Variants in PHLPP1 observed in about 807,000 individuals in gnomAD.
The protein encoded by PHLPP1 is PH domain and leucine rich repeat protein phosphatase 1.
Under a neutral mutation model 117.2 loss-of-function variants are expected in PHLPP1, and 42 were observed. The observed-to-expected ratio is 0.36, with a 90% CI of 0.28 to 0.46. The LOEUF (loss-of-function observed/expected upper bound fraction) is 0.46. Ranked by LOEUF, PHLPP1 falls within the 20% of genes least tolerant of loss-of-function variation. The probability of loss-of-function intolerance (pLI) is 1.00; values close to 1 mark genes in which losing one functional copy is unlikely to be tolerated. For synonymous variants in PHLPP1, 1,042 were observed against 970.7 expected, an observed-to-expected ratio of 1.07 and a Z score of -1.37; for missense variants, 2,084 against 2,241.9, an observed-to-expected ratio of 0.93 and a Z score of 1.42.
At chr18:62,722,429 G>A (rs192975804) in intron 1 of PHLPP1, among the ~76,000 whole-genome samples, 2 of 152,220 alleles carry the variant, frequency 1.3e-5, no homozygotes, top group African/African-American at 2.4e-5. Context: ...CTTTAAAGAC[G>A]CCTGACATTT....
intron 10 of PHLPP1, among the ~76,000 whole-genome samples, chr18:62,937,187 A>G (rs1426225231): frequency 6.6e-6 from 1 of 152,252 alleles, no homozygotes; most frequent in Non-Finnish European, 1.5e-5. Flanking sequence ...CAAAAAATAT[A>G]TAGATGAGTC....
At chr18:62,790,334 G>A (rs1475770431) in intron 1 of PHLPP1, among the ~76,000 whole-genome samples, 1 of 152,146 alleles carries the variant, frequency 6.6e-6, no homozygotes, top group African/African-American at 2.4e-5. Flanking sequence ...CCAGCAGTCT[G>A]GGACCTCAGT....
chr18:62,933,922 A>G (rs1909893420), intron 10 of PHLPP1, among the ~76,000 whole-genome samples: 1 of 152,182 alleles, frequency 6.6e-6, no homozygotes, highest in Non-Finnish European at 1.5e-5. Context: ...AGCAAAGGAC[A>G]TGAATAGACA....
chr18:62,769,807 A>G (rs1778006952), intron 1 of PHLPP1, among the ~76,000 whole-genome samples: 1 of 152,226 alleles, frequency 6.6e-6, no homozygotes, highest in African/African-American at 2.4e-5. Flanking sequence ...GTTATACGTG[A>G]ATCTAGAACA....
At chr18:62,951,059 G>A (rs1413262750) in intron 12 of PHLPP1, among the ~76,000 whole-genome samples, 2 of 150,200 alleles carry the variant, frequency 1.3e-5, no homozygotes, top group African/African-American at 2.5e-5. Context: ...TTTGTTCACC[G>A]CAAGTTCCGC....
intron 1 of PHLPP1, among the ~76,000 whole-genome samples, chr18:62,777,907 G>A (rs942321426): frequency 1.3e-5 from 2 of 152,072 alleles, no homozygotes; most frequent in African/African-American, 4.8e-5. Context: ...TAATGTCATA[G>A]GTTATTACTT....
chr18:62,890,415 G>A (rs577678595), intron 4 of PHLPP1, among the ~76,000 whole-genome samples: 2 of 151,930 alleles, frequency 1.3e-5, no homozygotes, highest in Admixed American at 6.6e-5. Flanking sequence ...ACAGGCACCC[G>A]CCACCACGCT....
intron 14 of PHLPP1, among the ~76,000 whole-genome samples, chr18:62,971,307 A>G (rs563437003): frequency 2.0e-5 from 3 of 150,650 alleles, no homozygotes; most frequent in Middle Eastern, 3.3e-3. Flanking sequence ...CCAACTCCCT[A>G]TAGTATAGTA....
chr18:62,973,785 T>A (rs549438498), intron 15 of PHLPP1, among the ~76,000 whole-genome samples: 120 of 152,308 alleles, frequency 7.9e-4, no homozygotes, highest in African/African-American at 2.6e-3. Flanking sequence ...GTACCAGTCA[T>A]TGTTCTAAAT....
At chr18:62,774,756 G>T (rs1051702537) in intron 1 of PHLPP1, among the ~76,000 whole-genome samples, 1 of 151,268 alleles carries the variant, frequency 6.6e-6, no homozygotes, top group Admixed American at 6.6e-5. Flanking sequence ...ATTCTTTCTG[G>T]CTATAAAAGT....
Position 62,822,280 on chromosome 18 carries a change from GT to G in PHLPP1, c.1577-7750del, listed in dbSNP as rs796719016. ...AGAAAATAGTGTTTTTTTTTTTTTT[GT>G]TTTTGTTTTTTTTTTTTTGAGACAG... On this transcript the variant is annotated intron_variant, in intron 1 of 16. Coordinates refer to ENST00000262719, the MANE Select transcript of PHLPP1 (RefSeq NM_194449.4). Among the ~76,000 whole-genome samples, 84 of 95,992 alleles carry G rather than the reference GT, an allele frequency of 8.8e-4. 1 individual carries two copies. The highest frequency in any genetic ancestry group is 3.4e-3 in the African/African-American group (74 of 21,616). 63.0% of individuals were successfully genotyped at this position (95,992 alleles called of 152,430 possible).
At chr18:62,894,928 G>C in intron 4 of PHLPP1, 83 bp from the exon 5 acceptor site, 2 of 1,213,488 alleles carry the variant, frequency 1.6e-6, no homozygotes, top group Non-Finnish European at 2.3e-6. Flanking sequence ...AGTTGGGCTA[G>C]ATTATCTCTT....
intron 10 of PHLPP1, among the ~76,000 whole-genome samples, chr18:62,931,879 A>G (rs921096739): frequency 1.0e-4 from 5 of 48,248 alleles, no homozygotes; most frequent in Non-Finnish European, 1.9e-4. Context: ...TGGGCGACAG[A>G]AAAAAAAAAA....
In PHLPP1 at chr18:62,958,682, G is replaced by A. The variant is rs375606136; in HGVS notation, c.3378G>A (p.Leu1126=). Residue 1126 remains leucine, a synonymous_variant, in exon 13 of 17, where the codon CTG becomes CTA. Transcript: ENST00000262719. ...GTGAAGTCACATTACCAGAAAACCT[G>A]CCTCCCAAACTGCAGGAGCTAGACC... ...ELSEVTLPEN[L]PPKLQELDLT... 1.2e-6 allele frequency: 2 copies of A among 1,613,920 alleles called. No individual in the cohort carries two copies. Among genetic ancestry groups the A allele is most frequent in the East Asian group, 2.2e-5 (1 of 44,880 alleles).
At chr18:62,929,783 A>G (rs576261081) in intron 10 of PHLPP1, among the ~76,000 whole-genome samples, 1 of 152,242 alleles carries the variant, frequency 6.6e-6, no homozygotes, top group Admixed American at 6.5e-5. Context: ...CCCTGTCTCT[A>G]CAAAGAATTT....
At chr18:62,944,471 T>C (rs1910219206) in intron 11 of PHLPP1, among the ~76,000 whole-genome samples, 1 of 152,202 alleles carries the variant, frequency 6.6e-6, no homozygotes, top group African/African-American at 2.4e-5. Flanking sequence ...GATTCCTTCT[T>C]GGTAGATGTT....
intron 9 of PHLPP1, among the ~76,000 whole-genome samples, chr18:62,916,218 A>G (rs1017566141): frequency 1.3e-5 from 2 of 152,056 alleles, no homozygotes; most frequent in Non-Finnish European, 2.9e-5. Context: ...GAAGTGCTAT[A>G]AGTGTAAAAT....
intron 12 of PHLPP1, among the ~76,000 whole-genome samples, chr18:62,954,460 G>A (rs1483625344): frequency 6.6e-6 from 1 of 152,118 alleles, no homozygotes. Flanking sequence ...TAACCATTAT[G>A]ATTCAGCCAA....
chr18:62,750,459 A>G (rs1911811593), intron 1 of PHLPP1, among the ~76,000 whole-genome samples: 1 of 152,128 alleles, frequency 6.6e-6, no homozygotes, highest in Non-Finnish European at 1.5e-5. Context: ...TTACTAATAT[A>G]GCCACTCTCT....
Sources: allele counts gnomAD v4.1 joint callset (sites outside exome capture counted in the v4.1 genomes callset), GRCh38; gene constraint gnomAD v4.1.1; transcripts MANE v1.5; gene names NCBI Gene and HGNC (gene_info 2026-07-23, HGNC 2026-07-21).